GNA14: variants seen among roughly 807,000 people sequenced by gnomAD.
GNA14 encodes G protein subunit alpha 14, also known as guanine nucleotide-binding protein subunit alpha-14.
In GNA14, 50 loss-of-function variants were observed where a neutral mutation model predicts 42.0. That is an observed-to-expected ratio of 1.19 (90% CI 0.95 to 1.51). The LOEUF (loss-of-function observed/expected upper bound fraction) is 1.51, where lower values mean the gene tolerates loss of function less well. Ranked by LOEUF, GNA14 falls within the 40% of genes most tolerant of loss-of-function variation. GNA14 has a pLI of 0.00. For synonymous variants in GNA14, 173 were observed against 163.1 expected, an observed-to-expected ratio of 1.06 and a Z score of -0.46; for missense variants, 473 against 446.2, an observed-to-expected ratio of 1.06 and a Z score of -0.54.
chr9:77,452,611 G>GGA (rs370715460), intron 2 of GNA14, among the ~76,000 whole-genome samples: 5 of 59,562 alleles, frequency 8.4e-5, no homozygotes, highest in East Asian at 5.3e-4. Context: ...GTATGTGTAT[G>GGA]TGTGTGTATG....
chr9:77,568,491 CA>C (rs35795655), intron 1 of GNA14, among the ~76,000 whole-genome samples: 70,355 of 126,588 alleles, frequency 0.56, 17,345 homozygotes, highest in Admixed American at 0.64. Flanking sequence ...GACTCCATCT[CA>C]AAAAAAAAAA....
rs115951757 is a variant in GNA14 at position 77,542,718 on chromosome 9, C to G, written c.125-13465G>C. On this transcript the variant is annotated intron_variant, in intron 1 of 6. Transcript: ENST00000341700. The stretch of plus-strand genomic sequence containing the variant: ...TCCCCTGGCCTTCAGGTGGCTTGTG[C>G]AGGTGGGTGCCAGCTGTGGTGGTAT... Among the ~76,000 whole-genome samples, 634 of 152,316 alleles carry G rather than the reference C, an allele frequency of 4.2e-3. 7 individuals are homozygous for G. The highest frequency in any genetic ancestry group is 0.014 in the African/African-American group (596 of 41,562).
intron 2 of GNA14, among the ~76,000 whole-genome samples, chr9:77,439,842 G>A (rs1835701978): frequency 6.6e-6 from 1 of 152,122 alleles, no homozygotes; most frequent in Non-Finnish European, 1.5e-5. Context: ...GGGAAAGAGA[G>A]GACAAAGAGT....
In GNA14 at chr9:77,572,984, G is replaced by A. The variant is rs1022772486; in HGVS notation, c.125-43731C>T. Among the ~76,000 whole-genome samples the A allele has an allele frequency of 4.6e-5, 7 of 152,192 alleles. No individual in the cohort carries two copies. The South Asian group carries it at 1.2e-3, about 27-fold the overall frequency. ...ACTAATAAGCCAACAATATACTGTC[G>A]ACGCTAAATATTTAGTGATATTACC... On this transcript the variant is annotated intron_variant, in intron 1 of 6. Transcript: ENST00000341700.
At chr9:77,555,030 T>C (rs538309579) in intron 1 of GNA14, among the ~76,000 whole-genome samples, 1 of 145,638 alleles carries the variant, frequency 6.9e-6, no homozygotes, top group African/African-American at 2.7e-5. Flanking sequence ...AATTTGGCAG[T>C]ATTTTTTTTT....
At chr9:77,437,130 T>A (rs1587759973) in intron 2 of GNA14, among the ~76,000 whole-genome samples, 1 of 152,248 alleles carries the variant, frequency 6.6e-6, no homozygotes, top group Admixed American at 6.5e-5. Context: ...TGAGCTTTAG[T>A]GCTGCGACAA....
chr9:77,488,784 T>TAAAAAAAAAAAAAAAAAAAAAA (rs67416479), intron 2 of GNA14, among the ~76,000 whole-genome samples: 1 of 53,684 alleles, frequency 1.9e-5, no homozygotes, highest in African/African-American at 8.6e-5. Context: ...CACACCTAAT[T>TAAAAAAAAAAAAAAAAAAAAAA]AAAAAAAAAA....
intron 1 of GNA14, among the ~76,000 whole-genome samples, chr9:77,561,993 T>C (rs1010160237): frequency 6.6e-6 from 1 of 152,178 alleles, no homozygotes; most frequent in African/African-American, 2.4e-5. Context: ...GCCCAAAAAA[T>C]CTACCACTGA....
intron 2 of GNA14, among the ~76,000 whole-genome samples, chr9:77,481,720 A>C (rs1836555812): frequency 6.6e-6 from 1 of 152,118 alleles, no homozygotes; most frequent in African/African-American, 2.4e-5. Context: ...TTGCTTTATG[A>C]ATCTGGGTGC....
chr9:77,562,463 T>C (rs1447136428), intron 1 of GNA14, among the ~76,000 whole-genome samples: 1 of 152,116 alleles, frequency 6.6e-6, no homozygotes, highest in Non-Finnish European at 1.5e-5. Flanking sequence ...AGGGGATTTA[T>C]TTTAGGAAGT....
rs573900398 is a variant in GNA14, at chr9:77,639,137, T to C, written c.124+8533A>G. On this transcript the variant is annotated intron_variant, in intron 1 of 6. Coordinates refer to ENST00000341700, the MANE Select transcript of GNA14 (RefSeq NM_004297.4). Reference sequence around the variant, plus strand: ...ATATCACATTTTTGTTGTAGATCTTTGTAATTTGGCGCTGCCCAGCATCTG... The same window carrying C: ...ATATCACATTTTTGTTGTAGATCTTCGTAATTTGGCGCTGCCCAGCATCTG... 2.0e-5 allele frequency among the ~76,000 whole-genome samples: 3 copies of C among 152,262 alleles called. No individual in the cohort carries two copies. The East Asian group carries it at 5.8e-4, about 29-fold the overall frequency.
intron 2 of GNA14, among the ~76,000 whole-genome samples, chr9:77,441,753 T>A (rs1290384811): frequency 6.6e-6 from 1 of 152,182 alleles, no homozygotes; most frequent in African/African-American, 2.4e-5. Context: ...GCATAGTATT[T>A]CCAACTTCTG....
chr9:77,480,948 T>A (rs1319109789), intron 2 of GNA14, among the ~76,000 whole-genome samples: 1 of 152,174 alleles, frequency 6.6e-6, no homozygotes. Flanking sequence ...TTTTCTTCTT[T>A]ATTAGTCTTG....
chr9:77,428,881 C>G, intron 5 of GNA14, 26 bp downstream of exon 5: 1 of 1,609,606 alleles, frequency 6.2e-7, no homozygotes, highest in Non-Finnish European at 8.5e-7. Flanking sequence ...GCTTCCACAG[C>G]TACCCAAACT....
At chr9:77,593,118 CAT>C (rs1280847077) in intron 1 of GNA14, among the ~76,000 whole-genome samples, 1 of 152,146 alleles carries the variant, frequency 6.6e-6, no homozygotes, top group Non-Finnish European at 1.5e-5. Flanking sequence ...GTCCTAGATT[CAT>C]ATGCAGGAAA....
intron 1 of GNA14, among the ~76,000 whole-genome samples, chr9:77,627,600 A>T (rs958929871): frequency 1.3e-5 from 2 of 152,318 alleles, no homozygotes; most frequent in South Asian, 4.1e-4. Flanking sequence ...TACGCAAATT[A>T]ATAAATGTAA....
rs78961146 is a variant in GNA14, at chr9:77,503,593, T to C, written c.309+25476A>G. ...GCACTGATTTCTAAAAATGCTCAAA[T>C]GCTCTATGGAAATACAACTAATACC... On this transcript the variant is annotated intron_variant, in intron 2 of 6. Transcript: ENST00000341700. 4.8e-3 allele frequency among the ~76,000 whole-genome samples: 726 copies of C among 152,248 alleles called. 8 individuals are homozygous for C. Among genetic ancestry groups the C allele is most frequent in the African/African-American group, 0.017 (690 of 41,540 alleles).
At position 77,637,109 on chromosome 9, in the gene GNA14, T is replaced by G. The variant is rs78487332; in HGVS notation, c.124+10561A>C. On this transcript the variant is annotated intron_variant, in intron 1 of 6. Coordinates refer to ENST00000341700, the MANE Select transcript of GNA14 (RefSeq NM_004297.4). ...ATTCTTGCCAAGGTAAAACATACAT[T>G]TACTGGTGATGTTTACAGCTCCTGG... is the stretch of plus-strand genomic sequence containing the variant. Among the ~76,000 whole-genome samples, 534 of 152,238 alleles carry G rather than the reference T, an allele frequency of 3.5e-3. 19 individuals carry two copies. The East Asian group carries it at 0.076, about 22-fold the overall frequency.
chr9:77,635,861 C>T (rs574945628), intron 1 of GNA14, among the ~76,000 whole-genome samples: 2 of 152,284 alleles, frequency 1.3e-5, no homozygotes, highest in South Asian at 4.1e-4. Flanking sequence ...TGGACCTTTG[C>T]CACCCCATCC....
Sources: gnomAD v4.1 joint callset for allele counts (sites outside exome capture counted in the v4.1 genomes callset) on GRCh38, gnomAD v4.1.1 for gene constraint, MANE v1.5 for transcripts, NCBI Gene and HGNC (gene_info 2026-07-23, HGNC 2026-07-21) for gene names.